WDR25: variants seen among roughly 807,000 people sequenced by gnomAD.
WDR25 encodes the protein WD repeat domain 25.
A neutral mutation model predicts 47.7 loss-of-function variants in WDR25; 35 were observed. That is an observed-to-expected ratio of 0.73 (90% confidence interval 0.56 to 0.97). WDR25 has a LOEUF of 0.97. WDR25 is among the 50% of genes least tolerant of loss of function. WDR25 has a pLI of 0.00. For synonymous variants in WDR25, 248 were observed against 278.9 expected, an observed-to-expected ratio of 0.89 and a Z score of 1.10; for missense variants, 634 against 704.7, an observed-to-expected ratio of 0.90 and a Z score of 1.14.
At chr14:100,423,233 A>C (rs531970180) in intron 2 of WDR25, among the ~76,000 whole-genome samples, 17 of 152,124 alleles carry the variant, frequency 1.1e-4, no homozygotes, top group Middle Eastern at 3.4e-3. Flanking sequence ...TGGTCATTTA[A>C]TTACTTCTGG....
Position 100,529,876 on chromosome 14 carries a change from G to T in WDR25, c.1470G>T (p.Thr490=), listed in dbSNP as rs759804707. 2 of 1,613,112 alleles carry T rather than the reference G, an allele frequency of 1.2e-6. No individual in the cohort carries two copies. Among genetic ancestry groups the T allele is most frequent in the African/African-American group, 2.7e-5 (2 of 74,924 alleles). The change falls in exon 7 of 7, where the codon ACG becomes ACT. Residue 490 remains threonine (T), a synonymous_variant. Coordinates refer to ENST00000402312, the MANE Select transcript of WDR25 (RefSeq NM_001161476.3). This position sits in a 1 kb window ranked among gnomAD's most constrained non-coding sequence, Gnocchi z 5.1. ...ECSPGGDLLV[T]GSADGRVLMY... ...CCCCAGGCGGTGACTTGCTGGTGAC[G>T]GGCAGCGCCGATGGCCGGGTCCTGA...
chr14:100,472,845 C>G (rs945774545), intron 3 of WDR25, among the ~76,000 whole-genome samples: 1 of 152,232 alleles, frequency 6.6e-6, no homozygotes, highest in Non-Finnish European at 1.5e-5. Flanking sequence ...CTGACCCTCT[C>G]CAGAGCCCCA....
chr14:100,439,903 G>A (rs528084395), intron 2 of WDR25, among the ~76,000 whole-genome samples: 4 of 152,316 alleles, frequency 2.6e-5, no homozygotes, highest in Non-Finnish European at 5.9e-5. Flanking sequence ...AGCTGGCAGC[G>A]CTCTCGTGTG....
intron 2 of WDR25, among the ~76,000 whole-genome samples, chr14:100,394,891 G>A (rs926625972): frequency 3.3e-5 from 5 of 152,250 alleles, no homozygotes; most frequent in African/African-American, 4.8e-5. Context: ...AGGCTGAGGC[G>A]GGAGGATTGC....
chr14:100,416,421 G>T (rs951950505), intron 2 of WDR25, among the ~76,000 whole-genome samples: 1 of 152,126 alleles, frequency 6.6e-6, no homozygotes, highest in Non-Finnish European at 1.5e-5. Flanking sequence ...AACAGTACGG[G>T]ATGCAAACCA....
chr14:100,519,263 G>C (rs1901615018), intron 4 of WDR25, among the ~76,000 whole-genome samples: 1 of 145,464 alleles, frequency 6.9e-6, no homozygotes, highest in Non-Finnish European at 1.5e-5. Flanking sequence ...TAATTTATAG[G>C]GGGGAGAGAG....
At chr14:100,472,017 C>T (rs775189807) in intron 3 of WDR25, among the ~76,000 whole-genome samples, 3 of 152,236 alleles carry the variant, frequency 2.0e-5, no homozygotes, top group Non-Finnish European at 2.9e-5. Context: ...CACACGCCAG[C>T]TCAGCCAGTC....
chr14:100,529,783 G>A lies in WDR25; in HGVS notation c.1414-37G>A, dbSNP rs1365359618. The A allele has an allele frequency of 6.3e-7, 1 of 1,597,140 alleles. No homozygotes were observed. The highest frequency in any genetic ancestry group is 8.5e-7 in the Non-Finnish European group (1 of 1,172,072). ...TGGGCATACTCACCCCGGCTTGACAGGTGCGGCTTGCTCACCCACTGTGTC... is the reference window on the plus strand; with the variant it reads ...TGGGCATACTCACCCCGGCTTGACAAGTGCGGCTTGCTCACCCACTGTGTC... On this transcript the variant is annotated intron_variant, in intron 6 of 6. Transcript: ENST00000402312. This position sits in a 1 kb window ranked among gnomAD's most constrained non-coding sequence, Gnocchi z 5.1.
chr14:100,523,059 T>C lies in WDR25; in HGVS notation c.1102-2811T>C, dbSNP rs1187349164. Among the ~76,000 whole-genome samples, 1 of 152,186 alleles carries C rather than the reference T, an allele frequency of 6.6e-6. No homozygotes were observed. The highest frequency in any genetic ancestry group is 1.5e-5 in the Non-Finnish European group (1 of 68,026). On this transcript the variant is annotated intron_variant, in intron 4 of 6. Transcript: ENST00000402312. This position sits in a 1 kb window ranked among gnomAD's most constrained non-coding sequence, Gnocchi z 4.7. ...TCCTGGGAGAGCCAGTGGCAAAGGCTTTTGTGTGTTGCCTCAGCCCTGCAT... is the reference window on the plus strand; with the variant it reads ...TCCTGGGAGAGCCAGTGGCAAAGGCCTTTGTGTGTTGCCTCAGCCCTGCAT...
intron 2 of WDR25, among the ~76,000 whole-genome samples, chr14:100,390,507 C>T (rs961263149): frequency 6.6e-6 from 1 of 152,026 alleles, no homozygotes; most frequent in Non-Finnish European, 1.5e-5. Flanking sequence ...AGCAGGCTGG[C>T]GCTCATCATA....
At chr14:100,390,426 T>TGTGTGCGC (rs1413707045) in intron 2 of WDR25, among the ~76,000 whole-genome samples, 3 of 150,486 alleles carry the variant, frequency 2.0e-5, no homozygotes, top group Admixed American at 6.6e-5. Context: ...TGTGTGTGTG[T>TGTGTGCGC]GCATGCACAC....
At chr14:100,526,539 C>T (rs1439034122) in intron 5 of WDR25, among the ~76,000 whole-genome samples, 7 of 152,072 alleles carry the variant, frequency 4.6e-5, no homozygotes. Context: ...TCACTTTCTT[C>T]ATTAGAAAAT....
intron 2 of WDR25, among the ~76,000 whole-genome samples, chr14:100,410,933 C>G (rs1897690482): frequency 6.6e-6 from 1 of 151,910 alleles, no homozygotes; most frequent in African/African-American, 2.4e-5. Context: ...CAGGTGTGCA[C>G]CACCACGCCT....
intron 2 of WDR25, among the ~76,000 whole-genome samples, chr14:100,460,921 A>G (rs981622271): frequency 6.6e-6 from 1 of 152,208 alleles, no homozygotes; most frequent in African/African-American, 2.4e-5. Flanking sequence ...ATGATCATCT[A>G]TATGCAATTC....
At chr14:100,484,210 T>C (rs544224769) in intron 4 of WDR25, 86 bp downstream of exon 4, 23 of 1,432,504 alleles carry the variant, frequency 1.6e-5, no homozygotes, top group Non-Finnish European at 2.1e-5. Flanking sequence ...AGCATCTATA[T>C]ATAGGACCCT....
intron 2 of WDR25, among the ~76,000 whole-genome samples, chr14:100,394,149 T>C (rs987465735): frequency 3.3e-5 from 5 of 152,164 alleles, no homozygotes; most frequent in Non-Finnish European, 7.4e-5. Flanking sequence ...TTCCTAAGGG[T>C]GTGAGGCTTG....
intron 2 of WDR25, among the ~76,000 whole-genome samples, chr14:100,390,429 A>G (rs981105953): frequency 9.9e-5 from 10 of 101,026 alleles, no homozygotes; most frequent in South Asian, 2.6e-4. Context: ...GTGTGTGTGC[A>G]TGCACACGCC....
At chr14:100,485,811 A>G (rs1470278848) in intron 4 of WDR25, among the ~76,000 whole-genome samples, 1 of 152,188 alleles carries the variant, frequency 6.6e-6, no homozygotes, top group Non-Finnish European at 1.5e-5. Flanking sequence ...CCTGACAGGC[A>G]GTTGGAAGGG....
intron 2 of WDR25, among the ~76,000 whole-genome samples, chr14:100,441,525 G>C (rs767073305): frequency 4.6e-5 from 7 of 152,160 alleles, no homozygotes; most frequent in Non-Finnish European, 7.4e-5. Flanking sequence ...TGGAGTGCCA[G>C]AGTGTGGGAA....
Sources: gnomAD v4.1 joint callset for allele counts (sites outside exome capture counted in the v4.1 genomes callset) on GRCh38, gnomAD v4.1.1 for gene constraint, Gnocchi (gnomAD v3.1) non-coding constraint, MANE v1.5 for transcripts, NCBI Gene and HGNC (gene_info 2026-07-23, HGNC 2026-07-21) for gene names.